Variants in CDCP1 observed in about 807,000 individuals in gnomAD.
CDCP1 encodes the protein CUB domain-containing protein 1.
CDCP1 carries 29 observed loss-of-function variants against 60.2 expected under a neutral mutation model. The observed-to-expected ratio is 0.48, with a 90% CI of 0.36 to 0.66. The LOEUF (loss-of-function observed/expected upper bound fraction) is 0.66, where lower values mean the gene tolerates loss of function less well. Among genes scored for constraint, CDCP1 ranks in the 30% least tolerant of loss-of-function variants. CDCP1 has a pLI of 0.00. For missense variants in CDCP1, 876 were observed against 1,074.3 expected, an observed-to-expected ratio of 0.82 and a Z score of 2.58; for synonymous variants, 387 against 431.1, an observed-to-expected ratio of 0.90 and a Z score of 1.27.
At position 45,093,520 on chromosome 3, in the gene CDCP1, C is replaced by G. The variant is rs142637778; in HGVS notation, c.1384G>C (p.Val462Leu). The G allele has an allele frequency of 3.1e-6, 5 of 1,614,030 alleles. No homozygotes were observed. The African/African-American group carries it at 6.7e-5, about 22-fold the overall frequency. Residue 462 changes from valine to leucine, a missense_variant, in exon 6 of 9, where the codon GTG (valine) becomes CTG (leucine). Coordinates refer to ENST00000296129, the MANE Select transcript of CDCP1 (RefSeq NM_022842.5). ...VPKDRLSLVL[V>L]PAQKLQQHTH... ...TGCTGCTGCAGCTTCTGGGCTGGCACCAGCACCAGGCTGAGCCTGTCCTTG... is the reference window on the plus strand; with the variant it reads ...TGCTGCTGCAGCTTCTGGGCTGGCAGCAGCACCAGGCTGAGCCTGTCCTTG...
intron 5 of CDCP1, 75 bp downstream of exon 5, chr3:45,095,272 G>A: frequency 7.5e-7 from 1 of 1,341,212 alleles, no homozygotes; most frequent in South Asian, 1.2e-5. Context: ...CCTACCCAGG[G>A]AACCCCACTA....
At chr3:45,126,234 T>TCTTC (rs1317549092) in intron 1 of CDCP1, among the ~76,000 whole-genome samples, 2 of 145,650 alleles carry the variant, frequency 1.4e-5, no homozygotes, top group Non-Finnish European at 3.0e-5. Context: ...TTCCTTCCTT[T>TCTTC]CTTCCTTCCT....
In CDCP1 at chr3:45,118,512, A is replaced by G. The variant is rs1698830124; in HGVS notation, c.192T>C (p.His64=). The change falls in exon 2 of 9, where the codon CAT becomes CAC. Residue 64 remains histidine (H), a synonymous_variant. Coordinates refer to ENST00000296129, the MANE Select transcript of CDCP1 (RefSeq NM_022842.5). ...KPCYIVISKR[H]ITMLSIKSGE... ...CAGACTTGATGGACAACATGGTTAT[A>G]TGTCTTTTAGAAATGACGATGTAAC... is the stretch of plus-strand genomic sequence containing the variant. 2 of 1,614,190 alleles carry G rather than the reference A, an allele frequency of 1.2e-6. No individual in the cohort carries two copies. Among genetic ancestry groups the G allele is most frequent in the Non-Finnish European group, 1.7e-6 (2 of 1,179,986 alleles).
Position 45,126,122 on chromosome 3 carries a change from CTTTCTTTCTTTCTTTCTTTCT to C in CDCP1, c.83-7522_83-7502del, listed in dbSNP as rs1559398776. ...TTTGTCTCTCTCTCTTTCTTTCTTT[CTTTCTTTCTTTCTTTCTTTCT>C]TTCTTTCTTTCTTTCTTTCTTTCTT... is the stretch of plus-strand genomic sequence containing the variant. On this transcript the variant is annotated intron_variant, in intron 1 of 8. Transcript: ENST00000296129. Among the ~76,000 whole-genome samples the C allele has an allele frequency of 5.9e-3, 794 of 135,336 alleles. 13 individuals carry two copies. The highest frequency in any genetic ancestry group is 0.021 in the African/African-American group (734 of 35,778). 88.8% of individuals were successfully genotyped at this position (135,336 alleles called of 152,430 possible).
At chr3:45,110,254 C>G in intron 4 of CDCP1, 2 of 1,388,434 alleles carry the variant, frequency 1.4e-6, no homozygotes, top group Non-Finnish European at 1.9e-6. Context: ...TGCAAGATTT[C>G]TTTTTATTGT....
At position 45,095,384 on chromosome 3, in the gene CDCP1, A is replaced by T. The variant is rs371282306; in HGVS notation, c.1209T>A (p.Asp403Glu). The T allele has an allele frequency of 2.8e-5, 45 of 1,614,240 alleles. 1 individual carries two copies. The African/African-American group carries it at 4.1e-4, about 15-fold the overall frequency. Residue 403 changes from aspartate to glutamate, a missense_variant, in exon 5 of 9, where the codon GAT (aspartate) becomes GAA (glutamate). Asp to Glu is a conservative substitution (Grantham distance 45). This residue lies in a region of CDCP1 where 726 missense variants were observed against 935.7 expected (regional missense o/e 0.78). Coordinates refer to ENST00000296129, the MANE Select transcript of CDCP1 (RefSeq NM_022842.5). Reference protein sequence around the residue: ...SKHKISFLCDDLTRLWMNVEK... With the variant: ...SKHKISFLCDELTRLWMNVEK... ...CCACATTCATCCACAGACGTGTCAG[A>T]TCATCACAAAGGAAGGAGATTTTGT...
intron 1 of CDCP1, among the ~76,000 whole-genome samples, chr3:45,142,291 T>C (rs1699303736): frequency 6.6e-6 from 1 of 151,976 alleles, no homozygotes; most frequent in African/African-American, 2.4e-5. Context: ...CACCTCATCC[T>C]ATCCCATCCA....
intron 8 of CDCP1, among the ~76,000 whole-genome samples, chr3:45,088,799 CT>C (rs1698242737): frequency 6.6e-6 from 1 of 152,128 alleles, no homozygotes. Flanking sequence ...TTGCAGGGGA[CT>C]TGTGCTGAGG....
chr3:45,107,204 C>T (rs1698580804), intron 4 of CDCP1, among the ~76,000 whole-genome samples: 1 of 151,920 alleles, frequency 6.6e-6, no homozygotes, highest in South Asian at 2.1e-4. Context: ...GTCTTTCTTT[C>T]CTTTCTTTCT....
At chr3:45,111,070 C>A (rs1281425469) in intron 3 of CDCP1, among the ~76,000 whole-genome samples, 1 of 152,130 alleles carries the variant, frequency 6.6e-6, no homozygotes, top group Admixed American at 6.5e-5. Context: ...GGGGAGAGCC[C>A]TGACTTATAG....
intron 4 of CDCP1, chr3:45,110,249 G>T: frequency 1.4e-6 from 2 of 1,387,148 alleles, no homozygotes; most frequent in Non-Finnish European, 9.3e-7. Flanking sequence ...TTGAATGCAA[G>T]ATTTCTTTTT....
chr3:45,089,328 C>T (rs1479841508), intron 7 of CDCP1, among the ~76,000 whole-genome samples, 187 bp from the exon 8 acceptor site: 4 of 152,336 alleles, frequency 2.6e-5, no homozygotes, highest in South Asian at 2.1e-4. Flanking sequence ...GGATCTGGGT[C>T]AGCCAATATA....
At position 45,109,625 on chromosome 3, in the gene CDCP1, G is replaced by A. The variant is rs112391513; in HGVS notation, c.1024+848C>T. On this transcript the variant is annotated intron_variant, in intron 4 of 8. Transcript: ENST00000296129. Reference sequence around the variant, plus strand: ...GTATCTTTTATCTCAAAATCTGCACGACACCCCTCAGGGCCAAGACTGGGG... The same window carrying A: ...GTATCTTTTATCTCAAAATCTGCACAACACCCCTCAGGGCCAAGACTGGGG... 4.6e-3 allele frequency among the ~76,000 whole-genome samples: 704 copies of A among 151,990 alleles called. 3 individuals are homozygous for A. Among genetic ancestry groups the A allele is most frequent in the African/African-American group, 0.015 (640 of 41,472 alleles).
At chr3:45,141,833 ACTTTT>A (rs1699295475) in intron 1 of CDCP1, among the ~76,000 whole-genome samples, 2 of 148,396 alleles carry the variant, frequency 1.3e-5, no homozygotes, top group Non-Finnish European at 3.0e-5. Context: ...AGGGGTATAA[ACTTTT>A]CTTTTTTTTT....
At chr3:45,102,921 C>T (rs2125993900) in intron 4 of CDCP1, among the ~76,000 whole-genome samples, 1 of 151,868 alleles carries the variant, frequency 6.6e-6, no homozygotes, top group African/African-American at 2.4e-5. Flanking sequence ...CTCGGCCTCC[C>T]AAAGCGTTGG....
intron 5 of CDCP1, 131 bp downstream of exon 5, chr3:45,095,216 G>A: frequency 1.3e-6 from 1 of 786,984 alleles, no homozygotes; most frequent in Non-Finnish European, 2.1e-6. Context: ...TTACAGGCGT[G>A]AGCCATCGTG....
chr3:45,116,396 G>A (rs1478306701), intron 2 of CDCP1, among the ~76,000 whole-genome samples: 2 of 148,190 alleles, frequency 1.3e-5, no homozygotes, highest in Non-Finnish European at 3.0e-5. Flanking sequence ...GAAGAGTTGA[G>A]GAGCCATAGT....
At chr3:45,134,091 T>C (rs570283424) in intron 1 of CDCP1, among the ~76,000 whole-genome samples, 6 of 151,910 alleles carry the variant, frequency 3.9e-5, no homozygotes, top group African/African-American at 1.4e-4. Context: ...GGATGTCAGC[T>C]TCCCCACTGA....
In CDCP1 at chr3:45,146,322, G is replaced by C. The variant is rs1368177413; in HGVS notation, c.-35C>G. ...ACGCCTCGGCCTCGGTGGGGAAAAC[G>C]ACGGTGGGGAGCGGCGGCCCCAGGC... On this transcript the variant is annotated 5_prime_UTR_variant, in exon 1 of 9. Transcript: ENST00000296129. 6.6e-7 allele frequency: 1 copy of C among 1,525,138 alleles called. No individual in the cohort carries two copies. The highest frequency in any genetic ancestry group is 2.8e-5 in the East Asian group (1 of 35,982). 94.5% of individuals were successfully genotyped at this position (1,525,138 alleles called of 1,614,324 possible). A position where few individuals can be genotyped will look rare whatever the true frequency, so the allele number is the denominator to read the frequency against.
Sources: allele counts gnomAD v4.1 joint callset (sites outside exome capture counted in the v4.1 genomes callset), GRCh38; gene constraint gnomAD v4.1.1; regional missense constraint gnomAD v4.1.1; transcripts MANE v1.5; gene names NCBI Gene and HGNC (gene_info 2026-07-23, HGNC 2026-07-21).